The following SLMAP variants were observed in gnomAD, a reference collection of about 807,000 sequenced individuals.
SLMAP encodes sarcolemmal membrane-associated protein.
Under a neutral mutation model 128.8 loss-of-function variants are expected in SLMAP, and 44 were observed. The observed-to-expected ratio is 0.34, with a 90% CI of 0.27 to 0.44. The LOEUF is 0.44. Among genes scored for constraint, SLMAP ranks in the 20% least tolerant of loss-of-function variants. The pLI, the probability that SLMAP is intolerant of heterozygous loss-of-function variation, is 1.00. For synonymous variants in SLMAP, 327 were observed against 348.8 expected (o/e 0.94, Z 0.70); for missense variants, 787 against 985.3 (o/e 0.80, Z 2.69).
chr3:57,811,766 G>A (rs1242065147), intron 2 of SLMAP, among the ~76,000 whole-genome samples: 1 of 152,072 alleles, frequency 6.6e-6, no homozygotes, highest in Non-Finnish European at 1.5e-5. Context: ...CTTTTTTTGA[G>A]AGTAGCTATC....
intron 2 of SLMAP, among the ~76,000 whole-genome samples, chr3:57,762,622 A>G (rs1391307606): frequency 6.7e-6 from 1 of 149,538 alleles, no homozygotes; most frequent in East Asian, 2.0e-4. Flanking sequence ...GCAGTTGGAT[A>G]TTGCCTTGTT....
Position 57,864,545 on chromosome 3 carries a change from TAGGTAGCAG to T in SLMAP, c.968_976del (p.Val323_Glu325del). 2 of 1,558,262 alleles carry T rather than the reference TAGGTAGCAG, an allele frequency of 1.3e-6. No individual in the cohort carries two copies. The highest frequency in any genetic ancestry group is 1.7e-6 in the Non-Finnish European group (2 of 1,161,438). On this transcript the variant is annotated splice_acceptor_variant and coding_sequence_variant, in exon 11 of 25. Transcript: ENST00000671191. LOFTEE classifies it high-confidence loss of function. ...AAATAACTGAATTTTCTTATTTTTC[TAGGTAGCAG>T]AGGGAAAACAAGAGGAAATCCAACA...
At chr3:57,765,294 T>C (rs1276155713) in intron 2 of SLMAP, among the ~76,000 whole-genome samples, 2 of 152,050 alleles carry the variant, frequency 1.3e-5, no homozygotes, top group African/African-American at 4.8e-5. Flanking sequence ...CCCACCTATT[T>C]GGGAGGATGA....
At chr3:57,790,696 G>A (rs1305384726) in intron 2 of SLMAP, among the ~76,000 whole-genome samples, 1 of 152,090 alleles carries the variant, frequency 6.6e-6, no homozygotes, top group Non-Finnish European at 1.5e-5. Flanking sequence ...TATTAAACAC[G>A]TAAGACTAAT....
At chr3:57,833,423 CAT>C (rs958438755) in intron 3 of SLMAP, among the ~76,000 whole-genome samples, 1 of 142,770 alleles carries the variant, frequency 7.0e-6, no homozygotes, top group Non-Finnish European at 1.5e-5. Context: ...ATTTTAGTAA[CAT>C]TAGTTTTTTT....
intron 2 of SLMAP, among the ~76,000 whole-genome samples, chr3:57,772,122 A>G (rs1268478625): frequency 2.0e-5 from 3 of 152,244 alleles, no homozygotes; most frequent in African/African-American, 7.2e-5. Context: ...TAAGAGCACT[A>G]TGTGATCAAG....
chr3:57,873,425 C>G (rs575133702), intron 14 of SLMAP, among the ~76,000 whole-genome samples: 18 of 152,146 alleles, frequency 1.2e-4, no homozygotes, highest in African/African-American at 4.3e-4. Context: ...ATTGCTTGAA[C>G]CTGGGAGGCA....
chr3:57,786,761 T>TGCCCAC (rs2084256212), intron 2 of SLMAP, among the ~76,000 whole-genome samples: 8 of 141,158 alleles, frequency 5.7e-5, no homozygotes, highest in African/African-American at 2.1e-4. Flanking sequence ...TGAGTTGGAG[T>TGCCCAC]CTCGCTCTGT....
At chr3:57,894,714 G>A (rs1267352357) in intron 15 of SLMAP, among the ~76,000 whole-genome samples, 3 of 152,196 alleles carry the variant, frequency 2.0e-5, no homozygotes, top group African/African-American at 7.2e-5. Context: ...GACTTAAACT[G>A]TATATTACAG....
intron 17 of SLMAP, chr3:57,899,492 G>T (rs904578606): frequency 1.1e-4 from 16 of 152,126 alleles, no homozygotes; most frequent in African/African-American, 3.4e-4. Flanking sequence ...TGTTAATGAA[G>T]TAGTATCTTT....
intron 19 of SLMAP, among the ~76,000 whole-genome samples, chr3:57,909,942 A>G (rs187286586): frequency 1.3e-5 from 2 of 150,312 alleles, no homozygotes; most frequent in East Asian, 2.0e-4. Context: ...AGAAAATTCA[A>G]GGGAAGATTG....
At chr3:57,780,858 G>C (rs1389695741) in intron 2 of SLMAP, among the ~76,000 whole-genome samples, 1 of 151,674 alleles carries the variant, frequency 6.6e-6, no homozygotes, top group Non-Finnish European at 1.5e-5. Context: ...GCCCAGGCTG[G>C]TCTTGAACTC....
chr3:57,757,967 G>T (rs148980312), intron 2 of SLMAP, 118 bp downstream of exon 2: 1 of 810,648 alleles, frequency 1.2e-6, no homozygotes, highest in Non-Finnish European at 2.0e-6. Flanking sequence ...GAGGCTTTGC[G>T]CAAAGCCACG....
At chr3:57,919,396 G>T (rs1282622303) in intron 22 of SLMAP, among the ~76,000 whole-genome samples, 1 of 147,840 alleles carries the variant, frequency 6.8e-6, no homozygotes, top group Non-Finnish European at 1.5e-5. Context: ...AAAAAAAAAA[G>T]TAAATCTTAA....
At chr3:57,813,213 A>C (rs968166756) in intron 2 of SLMAP, among the ~76,000 whole-genome samples, 3 of 150,516 alleles carry the variant, frequency 2.0e-5, no homozygotes, top group Admixed American at 1.3e-4. Flanking sequence ...CTCCTGCCTC[A>C]GCGTCTCGAG....
chr3:57,890,937 T>C (rs1179276388), intron 15 of SLMAP: 1 of 152,224 alleles, frequency 6.6e-6, no homozygotes, highest in Non-Finnish European at 1.5e-5. Flanking sequence ...ATGGTGTTAT[T>C]TCAAATATCT....
rs1186137514 is a variant in SLMAP, at chr3:57,857,804, A to G, written c.591A>G (p.Gln197=). 6.2e-7 allele frequency: 1 copy of G among 1,612,142 alleles called. No homozygotes were observed. The highest frequency in any genetic ancestry group is 1.3e-5 in the African/African-American group (1 of 74,908). The part of the protein sequence containing the change: ...ATLQRLLAIT[Q]EASDTSWQAL... The stretch of plus-strand genomic sequence containing the variant: ...TTCAGCGGCTACTAGCCATCACCCA[A>G]GAGGCTTCAGATACCAGTTGGCAGG... Residue 197 remains glutamine, a synonymous_variant, in exon 7 of 25, where the codon CAA becomes CAG. Transcript: ENST00000671191.
intron 2 of SLMAP, among the ~76,000 whole-genome samples, chr3:57,763,578 T>C (rs2153432259): frequency 6.6e-6 from 1 of 152,282 alleles, no homozygotes. Context: ...CCCGGCCTAG[T>C]GCATCTTTTT....
At chr3:57,886,747 C>T (rs539259422) in intron 14 of SLMAP, among the ~76,000 whole-genome samples, 18 of 147,520 alleles carry the variant, frequency 1.2e-4, no homozygotes, top group African/African-American at 4.0e-4. Context: ...GTGACAGATA[C>T]GAGCTTATAA....
Sources: gnomAD v4.1 joint callset for allele counts (sites outside exome capture counted in the v4.1 genomes callset) on GRCh38, gnomAD v4.1.1 for gene constraint, MANE v1.5 for transcripts, NCBI Gene and HGNC (gene_info 2026-07-23, HGNC 2026-07-21) for gene names.